The following PDLIM5 variants were observed in gnomAD, a reference collection of about 807,000 sequenced individuals.
PDLIM5 encodes PDZ and LIM domain 5.
Under a neutral mutation model 64.2 loss-of-function variants are expected in PDLIM5, and 34 were observed. That is an observed-to-expected ratio of 0.53 (90% CI 0.40 to 0.71). The LOEUF is 0.71. Ranked by LOEUF, PDLIM5 falls within the 30% of genes least tolerant of loss-of-function variation. PDLIM5 has a pLI of 0.00. For missense variants in PDLIM5, 683 were observed against 733.6 expected (o/e 0.93, Z 0.80); for synonymous variants, 253 against 269.1 (o/e 0.94, Z 0.59).
intron 8 of PDLIM5, among the ~76,000 whole-genome samples, chr4:94,626,657 T>G (rs1201417311): frequency 6.6e-6 from 1 of 152,234 alleles, no homozygotes; most frequent in Non-Finnish European, 1.5e-5. Context: ...TGGCTAAGAT[T>G]CTAGTTAATG....
At chr4:94,589,888 C>T (rs1736546806) in intron 7 of PDLIM5, among the ~76,000 whole-genome samples, 1 of 151,580 alleles carries the variant, frequency 6.6e-6, no homozygotes, top group Non-Finnish European at 1.5e-5. Flanking sequence ...GATTCTCCTG[C>T]CTCAGCCTCC....
rs73837448 is a variant in PDLIM5 at position 94,586,694 on chromosome 4, C to T, written c.920+250C>T. ...AAGAAGTGGGCAGAAGGGTATATTTCGGGGTGCTTTGCTAACAATACATAT... is the reference window on the plus strand; with the variant it reads ...AAGAAGTGGGCAGAAGGGTATATTTTGGGGTGCTTTGCTAACAATACATAT... On this transcript the variant is annotated intron_variant, in intron 7 of 12. Transcript: ENST00000317968. 5.4e-3 allele frequency among the ~76,000 whole-genome samples: 824 copies of T among 152,152 alleles called. 9 individuals are homozygous for T. Among genetic ancestry groups the T allele is most frequent in the African/African-American group, 0.019 (786 of 41,514 alleles).
rs77651528 is a variant in PDLIM5, at chr4:94,554,036, G to A, written c.249-19315G>A. 9.6e-3 allele frequency among the ~76,000 whole-genome samples: 1,466 copies of A among 152,268 alleles called. 33 individuals carry two copies. Among genetic ancestry groups the A allele is most frequent in the African/African-American group, 0.032 (1,344 of 41,542 alleles). The stretch of plus-strand genomic sequence containing the variant: ...TCATAAAAGTCTTTGCCAAGAACGA[G>A]CTATTCATCCTGTCTTTTGTTGTTG... On this transcript the variant is annotated intron_variant, in intron 3 of 12. Transcript: ENST00000317968.
chr4:94,556,029 A>T lies in PDLIM5; in HGVS notation c.249-17322A>T, dbSNP rs551920603. Among the ~76,000 whole-genome samples the T allele has an allele frequency of 5.3e-3, 811 of 151,842 alleles. 7 individuals carry two copies. The highest frequency in any genetic ancestry group is 0.018 in the African/African-American group (765 of 41,378). On this transcript the variant is annotated intron_variant, in intron 3 of 12. Coordinates refer to ENST00000317968, the MANE Select transcript of PDLIM5 (RefSeq NM_006457.5). ...CATTAACTCGTCATTTACATTAGGT[A>T]TATCTCCTAATGCTATCCCTCCCGC...
intron 8 of PDLIM5, among the ~76,000 whole-genome samples, chr4:94,630,059 C>T (rs1217851283): frequency 1.3e-5 from 2 of 152,282 alleles, no homozygotes; most frequent in East Asian, 1.9e-4. Context: ...GCACTTGCTG[C>T]ACACAATAGT....
At chr4:94,588,051 A>G (rs760502008) in intron 7 of PDLIM5, 85 of 899,566 alleles carry the variant, frequency 9.4e-5, no homozygotes, top group Non-Finnish European at 1.1e-4. Flanking sequence ...ATAGTGTATT[A>G]TATATTAGAG....
intron 2 of PDLIM5, among the ~76,000 whole-genome samples, chr4:94,495,282 A>G (rs1727283024): frequency 6.6e-6 from 1 of 152,232 alleles, no homozygotes; most frequent in Non-Finnish European, 1.5e-5. Context: ...GTGAACATAC[A>G]TGACAAAAAC....
chr4:94,532,863 A>G (rs2510779), intron 3 of PDLIM5, among the ~76,000 whole-genome samples: 85,256 of 151,934 alleles, frequency 0.56, 24,939 homozygotes, highest in African/African-American at 0.72. Flanking sequence ...ATTTAGTAGG[A>G]TGCGGTGGTA....
intron 2 of PDLIM5, among the ~76,000 whole-genome samples, chr4:94,523,309 C>T (rs1729995986): frequency 6.6e-6 from 1 of 152,172 alleles, no homozygotes; most frequent in African/African-American, 2.4e-5. Flanking sequence ...AACAAAAATA[C>T]AGCTGTTAAA....
At position 94,570,752 on chromosome 4, in the gene PDLIM5, A is replaced by T. The variant is rs147127169; in HGVS notation, c.249-2599A>T. 2.5e-4 allele frequency among the ~76,000 whole-genome samples: 38 copies of T among 152,288 alleles called. No individual in the cohort carries two copies. In the East Asian group the frequency reaches 5.8e-3, roughly 23 times the overall value. On this transcript the variant is annotated intron_variant, in intron 3 of 12. Coordinates refer to ENST00000317968, the MANE Select transcript of PDLIM5 (RefSeq NM_006457.5). ...TTGCAATTAAAGTGATTAATGATGT[A>T]CCCTAGTGTTTATGGGTCCCAAGGT...
At chr4:94,661,358 A>G (rs1418732797) in intron 11 of PDLIM5, among the ~76,000 whole-genome samples, 1 of 152,050 alleles carries the variant, frequency 6.6e-6, no homozygotes, top group Non-Finnish European at 1.5e-5. Flanking sequence ...ACACCACTAC[A>G]CTCAAGCCTG....
intron 3 of PDLIM5, among the ~76,000 whole-genome samples, chr4:94,546,321 C>T (rs1363502048): frequency 6.6e-6 from 1 of 152,116 alleles, no homozygotes. Context: ...CCTTACCCCA[C>T]CCGGCCCCAC....
At chr4:94,578,780 CTT>C (rs1262379772) in intron 5 of PDLIM5, among the ~76,000 whole-genome samples, 6 of 151,960 alleles carry the variant, frequency 3.9e-5, no homozygotes, top group African/African-American at 1.4e-4. Flanking sequence ...CAACAAAACT[CTT>C]TTAAAGTTGA....
At chr4:94,544,970 A>G (rs1023392381) in intron 3 of PDLIM5, among the ~76,000 whole-genome samples, 2 of 152,218 alleles carry the variant, frequency 1.3e-5, no homozygotes, top group African/African-American at 4.8e-5. Flanking sequence ...TGGCAACAGC[A>G]TAGGCTTGTT....
chr4:94,534,014 A>G (rs1289505108), intron 3 of PDLIM5, among the ~76,000 whole-genome samples: 3 of 152,196 alleles, frequency 2.0e-5, no homozygotes, highest in African/African-American at 7.2e-5. Context: ...ACTGCCAGCT[A>G]ATTACTGCTT....
chr4:94,590,471 A>T (rs1393309202), intron 7 of PDLIM5, among the ~76,000 whole-genome samples: 2 of 152,254 alleles, frequency 1.3e-5, no homozygotes, highest in African/African-American at 2.4e-5. Context: ...GGCACTAATC[A>T]ATGTACTAGG....
chr4:94,571,430 C>T (rs911196197), intron 3 of PDLIM5, among the ~76,000 whole-genome samples: 1 of 152,164 alleles, frequency 6.6e-6, no homozygotes, highest in South Asian at 2.1e-4. Context: ...ATATCACCGT[C>T]GTGGCTTACT....
chr4:94,631,173 G>A (rs1740121982), intron 8 of PDLIM5, among the ~76,000 whole-genome samples: 1 of 151,852 alleles, frequency 6.6e-6, no homozygotes, highest in African/African-American at 2.4e-5. Flanking sequence ...AAAGTGCAGG[G>A]ATTGCAGATT....
intron 8 of PDLIM5, among the ~76,000 whole-genome samples, chr4:94,630,803 C>A (rs55687569): frequency 0.014 from 2,196 of 152,262 alleles, 49 homozygotes; most frequent in African/African-American, 0.049. Flanking sequence ...CCATAACTTT[C>A]TTTGCTGCTT....
Sources: allele counts gnomAD v4.1 joint callset (sites outside exome capture counted in the v4.1 genomes callset), GRCh38; gene constraint gnomAD v4.1.1; transcripts MANE v1.5; gene names NCBI Gene and HGNC (gene_info 2026-07-23, HGNC 2026-07-21).